The following EGFR variants were observed in gnomAD, a reference collection of about 807,000 sequenced individuals.
EGFR encodes the protein epidermal growth factor receptor.
Under a neutral mutation model 143.0 loss-of-function variants are expected in EGFR, and 58 were observed. That is an observed-to-expected ratio of 0.41 (90% CI 0.33 to 0.50). The LOEUF (loss-of-function observed/expected upper bound fraction) is 0.50. Among genes scored for constraint, EGFR ranks in the 20% least tolerant of loss-of-function variants. EGFR has a pLI of 0.39. For synonymous variants in EGFR, 613 were observed against 594.4 expected (o/e 1.03, Z -0.45); for missense variants, 1,307 against 1,579.0 (o/e 0.83, Z 2.92).
Position 55,211,042 on chromosome 7 carries a change from A to T in EGFR, c.*5425A>T, listed in dbSNP as rs778202053. On this transcript the variant is annotated 3_prime_UTR_variant, in exon 28 of 28. Coordinates refer to ENST00000275493, the MANE Select transcript of EGFR (RefSeq NM_005228.5). ...CTCACAAATTATACCTGGGATAAAAACTATGTAGCAGGCAGTGTGTTTTCC... is the reference window on the plus strand; with the variant it reads ...CTCACAAATTATACCTGGGATAAAATCTATGTAGCAGGCAGTGTGTTTTCC... 4.6e-5 allele frequency: 7 copies of T among 152,222 alleles called. No individual in the cohort carries two copies. The highest frequency in any genetic ancestry group is 9.6e-5 in the African/African-American group (4 of 41,460). The allele number at this position is 152,222 out of a possible 1,614,324, so 9.4% of individuals were successfully genotyped here.
Position 55,019,046 on chromosome 7 carries a change from G to T in EGFR, c.-232G>T. On this transcript the variant is annotated 5_prime_UTR_variant, in exon 1 of 28. Coordinates refer to ENST00000275493, the MANE Select transcript of EGFR (RefSeq NM_005228.5). ...GTCCGGGCAGCCCCCGGCGCAGCGC[G>T]GCCGCAGCAGCCTCCGCCCCCCGCA... The T allele has an allele frequency of 4.2e-6, 1 of 240,692 alleles. No individual in the cohort carries two copies. The highest frequency in any genetic ancestry group is 7.8e-6 in the Non-Finnish European group (1 of 127,544). 14.9% of individuals were successfully genotyped at this position (240,692 alleles called of 1,614,324 possible). A position where few individuals can be genotyped will look rare whatever the true frequency, so the allele number is the denominator to read the frequency against.
In EGFR at chr7:55,211,068, T is replaced by G. The variant is rs1788225627; in HGVS notation, c.*5451T>G. The G allele has an allele frequency of 6.6e-6, 1 of 152,234 alleles. No individual in the cohort carries two copies. Among genetic ancestry groups the G allele is most frequent in the Admixed American group, 6.5e-5 (1 of 15,290 alleles). The allele number at this position is 152,234 out of a possible 1,614,324, so 9.4% of individuals were successfully genotyped here. ...CTATGTAGCAGGCAGTGTGTTTTCC[T>G]TCCATGTCTCTCTGCACTACCTGCA... On this transcript the variant is annotated 3_prime_UTR_variant, in exon 28 of 28. Transcript: ENST00000275493.
At chr7:55,101,588 C>T (rs2128901656) in intron 1 of EGFR, among the ~76,000 whole-genome samples, 2 of 152,268 alleles carry the variant, frequency 1.3e-5, no homozygotes, top group Admixed American at 1.3e-4. Flanking sequence ...ATGCTGCGTC[C>T]GGGCACAGCA....
At position 55,019,158 on chromosome 7, in the gene EGFR, C is replaced by T. The variant is rs1227480257; in HGVS notation, c.-120C>T. ...GCCGCCCAGACCGGACGACAGGCCA[C>T]CTCGTCGGCGTCCGCCCGAGTCCCC... On this transcript the variant is annotated 5_prime_UTR_variant, in exon 1 of 28. Transcript: ENST00000275493. 3 of 800,860 alleles carry T rather than the reference C, an allele frequency of 3.7e-6. No individual in the cohort carries two copies. The highest frequency in any genetic ancestry group is 5.6e-6 in the Non-Finnish European group (3 of 540,368). The allele number at this position is 800,860 out of a possible 1,614,324, so 49.6% of individuals were successfully genotyped here.
chr7:55,046,516 G>A (rs551666242), intron 1 of EGFR, among the ~76,000 whole-genome samples: 12 of 151,688 alleles, frequency 7.9e-5, no homozygotes, highest in African/African-American at 2.7e-4. Context: ...AGCATTTGGC[G>A]TGGTGCGTCC....
chr7:55,026,974 C>T (rs1373499856), intron 1 of EGFR, among the ~76,000 whole-genome samples: 1 of 152,146 alleles, frequency 6.6e-6, no homozygotes, highest in South Asian at 2.1e-4. Context: ...TTGGACCCCA[C>T]CCTGGCCTCT....
At chr7:55,166,483 C>A (rs1042292781) in intron 15 of EGFR, among the ~76,000 whole-genome samples, 1 of 152,206 alleles carries the variant, frequency 6.6e-6, no homozygotes, top group African/African-American at 2.4e-5. Flanking sequence ...ATTTTTATGA[C>A]CATGAGTTAA....
chr7:55,095,439 T>A (rs1474922129), intron 1 of EGFR, among the ~76,000 whole-genome samples: 1 of 152,232 alleles, frequency 6.6e-6, no homozygotes, highest in Non-Finnish European at 1.5e-5. Flanking sequence ...TGAAGCTGCT[T>A]CAGTGGGTCC....
Position 55,173,141 on chromosome 7 carries a change from G to A in EGFR, c.2061+17G>A, listed in dbSNP as rs376276646. 151 of 1,607,492 alleles carry A rather than the reference G, an allele frequency of 9.4e-5. No individual in the cohort carries two copies. In the African/African-American group the frequency reaches 1.7e-3, roughly 18 times the overall value. On this transcript the variant is annotated intron_variant, in intron 17 of 27. Coordinates refer to ENST00000275493, the MANE Select transcript of EGFR (RefSeq NM_005228.5). The stretch of plus-strand genomic sequence containing the variant: ...GAGAGGGAGGTGAGTGCCAGTCCTG[G>A]GTGGGCTCAGGAGCCCTCGCACCCC...
chr7:55,049,814 G>A (rs934339477), intron 1 of EGFR, among the ~76,000 whole-genome samples: 4 of 152,144 alleles, frequency 2.6e-5, no homozygotes, highest in Admixed American at 6.5e-5. Context: ...TGCATGGGGG[G>A]CACATTCTTT....
chr7:55,081,707 T>C (rs1173237411), intron 1 of EGFR, among the ~76,000 whole-genome samples: 1 of 147,696 alleles, frequency 6.8e-6, no homozygotes, highest in Non-Finnish European at 1.5e-5. Flanking sequence ...CAGGAAGAGA[T>C]TGTTTTAGAC....
intron 27 of EGFR, 52 bp downstream of exon 27, chr7:55,202,677 C>T: frequency 6.6e-7 from 1 of 1,513,076 alleles, no homozygotes; most frequent in African/African-American, 1.4e-5. Context: ...TCGACCCACT[C>T]AGCAGCAGCC....
chr7:55,172,716 T>G, intron 16 of EGFR: 1 of 736,054 alleles, frequency 1.4e-6, no homozygotes, highest in Non-Finnish European at 2.2e-6. Flanking sequence ...TGAAAAATAC[T>G]CATTATATGG....
At chr7:55,052,250 A>G (rs11975526) in intron 1 of EGFR, among the ~76,000 whole-genome samples, 5,819 of 152,264 alleles carry the variant, frequency 0.038, 203 homozygotes, top group South Asian at 0.13. Context: ...CACATCTATG[A>G]CCAGGAAGGG....
chr7:55,127,148 G>T (rs183165913), intron 1 of EGFR, among the ~76,000 whole-genome samples: 3 of 152,264 alleles, frequency 2.0e-5, no homozygotes, highest in Admixed American at 1.3e-4. Context: ...TGCAAATTGA[G>T]CTAGCATTTT....
intron 1 of EGFR, among the ~76,000 whole-genome samples, chr7:55,095,737 CACACAG>C (rs1372674360): frequency 6.6e-6 from 1 of 151,458 alleles, no homozygotes; most frequent in Non-Finnish European, 1.5e-5. Flanking sequence ...CACACACACA[CACACAG>C]ACATACGCAC....
intron 1 of EGFR, among the ~76,000 whole-genome samples, chr7:55,084,366 C>A (rs2128891478): frequency 6.6e-6 from 1 of 152,164 alleles, no homozygotes; most frequent in East Asian, 1.9e-4. Flanking sequence ...TTCTCCAGGC[C>A]CAGTGGGAAA....
At chr7:55,037,739 G>C (rs893670566) in intron 1 of EGFR, among the ~76,000 whole-genome samples, 3 of 152,110 alleles carry the variant, frequency 2.0e-5, no homozygotes, top group African/African-American at 7.2e-5. Flanking sequence ...TCAATTATTT[G>C]GTAAACCTGA....
intron 1 of EGFR, among the ~76,000 whole-genome samples, chr7:55,084,252 C>T (rs1293579874): frequency 6.6e-6 from 1 of 152,052 alleles, no homozygotes; most frequent in Non-Finnish European, 1.5e-5. Context: ...CTTCCAGGCT[C>T]ATAAGGGTTC....
Sources: allele counts gnomAD v4.1 joint callset (sites outside exome capture counted in the v4.1 genomes callset), GRCh38; gene constraint gnomAD v4.1.1; transcripts MANE v1.5; gene names NCBI Gene and HGNC (gene_info 2026-07-23, HGNC 2026-07-21).